The following TET1 variants were observed in gnomAD, a reference collection of about 807,000 sequenced individuals.
The protein encoded by TET1 is methylcytosine dioxygenase TET1.
In TET1, 13 loss-of-function variants were observed where a neutral mutation model predicts 148.7. The observed-to-expected ratio is 0.09, with a 90% CI of 0.06 to 0.14. TET1 has a LOEUF of 0.14. Among genes scored for constraint, TET1 ranks in the 10% least tolerant of loss-of-function variants. The pLI, the probability that TET1 is intolerant of heterozygous loss-of-function variation, is 1.00. For missense variants in TET1, 2,182 were observed against 2,553.8 expected (o/e 0.85, Z 3.14); for synonymous variants, 907 against 937.2 (o/e 0.97, Z 0.59).
intron 2 of TET1, among the ~76,000 whole-genome samples, chr10:68,580,782 C>CAA (rs71483915): frequency 5.6e-4 from 53 of 95,184 alleles, no homozygotes; most frequent in African/African-American, 6.9e-4. Flanking sequence ...AACTCCATCT[C>CAA]AAAAAAAAAA....
At chr10:68,652,424 A>T in intron 5 of TET1, 77 bp from the exon 6 acceptor site, 1 of 964,102 alleles carries the variant, frequency 1.0e-6, no homozygotes, top group Non-Finnish European at 1.6e-6. Flanking sequence ...TATATACATT[A>T]AGATGTTCAA....
intron 1 of TET1, among the ~76,000 whole-genome samples, chr10:68,564,794 GA>G (rs1408981769): frequency 1.3e-5 from 2 of 152,144 alleles, no homozygotes; most frequent in Non-Finnish European, 2.9e-5. Flanking sequence ...AGGATCACTT[GA>G]GGCTAGGAGT....
intron 3 of TET1, 97 bp from the exon 4 acceptor site, chr10:68,644,601 C>A: frequency 1.6e-6 from 2 of 1,224,338 alleles, no homozygotes; most frequent in Non-Finnish European, 2.2e-6. Context: ...GCTGTATCCA[C>A]AGGGGCTTTA....
rs754512005 is a variant in TET1 at position 68,682,862 on chromosome 10, A to G, written c.4941A>G (p.Glu1647=). 8 of 1,613,688 alleles carry G rather than the reference A, an allele frequency of 5.0e-6. 1 individual carries two copies. The highest frequency in any genetic ancestry group is 4.4e-5 in the South Asian group (4 of 90,970). ...TGGAATATGAAAATGTTGCCCGAGA[A>G]TGTCGGCTTGGCAGCAAGGAAGGTC... ...NQVEYENVAR[E]CRLGSKEGRP... The change falls in exon 10 of 12, where the codon GAA becomes GAG. Residue 1647 remains glutamate (E), a synonymous_variant. Coordinates refer to ENST00000373644, the MANE Select transcript of TET1 (RefSeq NM_030625.3).
At chr10:68,618,842 G>T (rs1589081228) in intron 3 of TET1, among the ~76,000 whole-genome samples, 1 of 152,128 alleles carries the variant, frequency 6.6e-6, no homozygotes, top group Admixed American at 6.6e-5. Context: ...GTAGCAAATG[G>T]TGTCATCTCA....
intron 4 of TET1, among the ~76,000 whole-genome samples, chr10:68,647,270 A>C (rs2054864552): frequency 6.6e-6 from 1 of 152,152 alleles, no homozygotes; most frequent in Non-Finnish European, 1.5e-5. Flanking sequence ...TATATCTCTC[A>C]ATGTTGAATG....
chr10:68,619,929 A>G (rs989917584), intron 3 of TET1, among the ~76,000 whole-genome samples: 1 of 152,208 alleles, frequency 6.6e-6, no homozygotes, highest in African/African-American at 2.4e-5. Context: ...ATGGTGGTTC[A>G]TTCCTGTAAT....
intron 8 of TET1, among the ~76,000 whole-genome samples, chr10:68,676,358 A>G (rs971771899): frequency 3.7e-5 from 5 of 133,948 alleles, no homozygotes; most frequent in African/African-American, 1.5e-4. Context: ...ATCTCATCTC[A>G]CTGCAAACTC....
At chr10:68,624,648 CTT>C (rs1249759174) in intron 3 of TET1, among the ~76,000 whole-genome samples, 37 of 54,592 alleles carry the variant, frequency 6.8e-4, no homozygotes, top group Admixed American at 3.9e-3. Context: ...TTCTTTCTTT[CTT>C]TCTTTCTTTC....
chr10:68,603,468 C>G (rs957206645), intron 3 of TET1, among the ~76,000 whole-genome samples: 3 of 151,776 alleles, frequency 2.0e-5, no homozygotes, highest in Non-Finnish European at 4.4e-5. Context: ...TCCCTCTCCT[C>G]TTAAAAACAT....
chr10:68,672,515 CAA>C (rs1207136905), intron 7 of TET1, among the ~76,000 whole-genome samples: 8 of 85,706 alleles, frequency 9.3e-5, no homozygotes, highest in East Asian at 3.5e-4. Context: ...AAAAAAACAC[CAA>C]AAAAAAAAAA....
At chr10:68,672,487 CAAAAAAAAA>C (rs71483920) in intron 7 of TET1, among the ~76,000 whole-genome samples, 30 of 49,734 alleles carry the variant, frequency 6.0e-4, no homozygotes, top group East Asian at 1.6e-3. Flanking sequence ...GACCCCATCT[CAAAAAAAAA>C]AAAAAAAAAA....
At chr10:68,613,820 C>T (rs2054250793) in intron 3 of TET1, among the ~76,000 whole-genome samples, 1 of 152,084 alleles carries the variant, frequency 6.6e-6, no homozygotes, top group East Asian at 1.9e-4. Flanking sequence ...CACCTGTAAT[C>T]CCAGCTACTC....
intron 5 of TET1, among the ~76,000 whole-genome samples, chr10:68,652,265 C>T (rs1348037180): frequency 6.6e-6 from 1 of 152,172 alleles, no homozygotes; most frequent in East Asian, 1.9e-4. Flanking sequence ...GCTTGTCTGG[C>T]ACTCAGCCTA....
At position 68,682,829 on chromosome 10, in the gene TET1, T is replaced by C. The variant is rs1156515638; in HGVS notation, c.4915-7T>C. The C allele has an allele frequency of 6.2e-7, 1 of 1,612,586 alleles. No individual in the cohort carries two copies. Among genetic ancestry groups the C allele is most frequent in the South Asian group, 1.1e-5 (1 of 90,766 alleles). Reference sequence around the variant, plus strand: ...CTTAAGATTGTGCTCCATGCTTTCTTTTCTAGGTGGAATATGAAAATGTTG... The same window carrying C: ...CTTAAGATTGTGCTCCATGCTTTCTCTTCTAGGTGGAATATGAAAATGTTG... On this transcript the variant is annotated splice_polypyrimidine_tract_variant and splice_region_variant and intron_variant, in intron 9 of 11. Transcript: ENST00000373644.
chr10:68,564,656 C>A (rs2053587802), intron 1 of TET1, among the ~76,000 whole-genome samples: 2 of 152,132 alleles, frequency 1.3e-5, no homozygotes, highest in Non-Finnish European at 2.9e-5. Context: ...GTCTTATTTT[C>A]TTCTCATATC....
intron 2 of TET1, among the ~76,000 whole-genome samples, chr10:68,593,906 G>A (rs926367626): frequency 3.7e-5 from 5 of 136,702 alleles, no homozygotes; most frequent in Non-Finnish European, 6.2e-5. Context: ...GAGCCACTGC[G>A]CCTGAGCTAT....
chr10:68,616,875 T>C (rs1177865598), intron 3 of TET1, among the ~76,000 whole-genome samples: 1 of 150,476 alleles, frequency 6.6e-6, no homozygotes, highest in Non-Finnish European at 1.5e-5. Flanking sequence ...GCCCAGCTAA[T>C]TTTTTGTATT....
At position 68,646,503 on chromosome 10, in the gene TET1, A is replaced by G. The variant is rs1289658526; in HGVS notation, c.3774A>G (p.Glu1258=). Residue 1258 remains glutamate, a synonymous_variant, in exon 4 of 12, where the codon GAA becomes GAG. Coordinates refer to ENST00000373644, the MANE Select transcript of TET1 (RefSeq NM_030625.3). The part of the protein sequence containing the change: ...PESAEEKVKV[E]PLDSLSLFHL... ...CAGCAGAGGAAAAGGTGAAGGTTGA[A>G]CCATTGGATTCACTCAGCTTATTTC... 2 of 1,614,174 alleles carry G rather than the reference A, an allele frequency of 1.2e-6. No individual in the cohort carries two copies. The highest frequency in any genetic ancestry group is 1.3e-5 in the African/African-American group (1 of 75,042).
Sources: gnomAD v4.1 joint callset for allele counts (sites outside exome capture counted in the v4.1 genomes callset) on GRCh38, gnomAD v4.1.1 for gene constraint, MANE v1.5 for transcripts, NCBI Gene and HGNC (gene_info 2026-07-23, HGNC 2026-07-21) for gene names.